The following NEK6 variants were observed in gnomAD, a reference collection of about 807,000 sequenced individuals.
The protein encoded by NEK6 is NIMA related kinase 6, also known as serine/threonine-protein kinase Nek6.
Under a neutral mutation model 43.5 loss-of-function variants are expected in NEK6, and 27 were observed. That is an observed-to-expected ratio of 0.62 (90% CI 0.46 to 0.86). The LOEUF (loss-of-function observed/expected upper bound fraction) is 0.86. Among genes scored for constraint, NEK6 ranks in the 40% least tolerant of loss-of-function variants. NEK6 has a pLI of 0.00. For synonymous variants in NEK6, 167 were observed against 164.1 expected (o/e 1.02, Z -0.14); for missense variants, 318 against 414.4 (o/e 0.77, Z 2.02).
At chr9:124,338,902 G>C (rs745857972) in intron 7 of NEK6, among the ~76,000 whole-genome samples, 2 of 151,796 alleles carry the variant, frequency 1.3e-5, no homozygotes, top group Non-Finnish European at 2.9e-5. Flanking sequence ...TGCAGATTCA[G>C]ACAGTCCCCT....
At chr9:124,269,976 C>T (rs1019296817) in intron 1 of NEK6, among the ~76,000 whole-genome samples, 12 of 152,094 alleles carry the variant, frequency 7.9e-5, no homozygotes, top group African/African-American at 2.7e-4. Flanking sequence ...AAGGTGTTCC[C>T]CTTTTATAGA....
At chr9:124,341,492 T>G (rs2131054057) in intron 8 of NEK6, among the ~76,000 whole-genome samples, 1 of 151,574 alleles carries the variant, frequency 6.6e-6, no homozygotes, top group South Asian at 2.1e-4. Context: ...GTCTGTGGGT[T>G]AGTCTGGCCC....
intron 2 of NEK6, among the ~76,000 whole-genome samples, chr9:124,308,656 C>CAA (rs1374130698): frequency 0.041 from 3,342 of 82,144 alleles, 51 homozygotes; most frequent in East Asian, 0.13. Context: ...AACTCTATCT[C>CAA]AAAAAAAAAA....
In NEK6 at chr9:124,351,854, G is replaced by C. The variant is rs1830290903; in HGVS notation, c.*907G>C. ...TAATAGTACCTATCATCTACCTTCA[G>C]GATTGCTGACAGACAGAATTTGAAA... On this transcript the variant is annotated 3_prime_UTR_variant, in exon 10 of 10. Transcript: ENST00000320246. The C allele has an allele frequency of 6.6e-6, 1 of 152,246 alleles. No homozygotes were observed. Among genetic ancestry groups the C allele is most frequent in the African/African-American group, 2.4e-5 (1 of 41,414 alleles). The allele number at this position is 152,246 out of a possible 1,614,324, so 9.4% of individuals were successfully genotyped here.
intron 3 of NEK6, among the ~76,000 whole-genome samples, chr9:124,313,610 C>G (rs1833659439): frequency 6.6e-6 from 1 of 152,202 alleles, no homozygotes; most frequent in Admixed American, 6.5e-5. Context: ...TCAAGTGATC[C>G]ACCCACCTCA....
intron 4 of NEK6, among the ~76,000 whole-genome samples, chr9:124,321,058 C>G (rs1279121877): frequency 6.6e-6 from 1 of 152,160 alleles, no homozygotes; most frequent in Non-Finnish European, 1.5e-5. Flanking sequence ...GGCACAGGGA[C>G]AGAGAGGTGG....
chr9:124,310,884 C>G (rs191127935), intron 2 of NEK6, among the ~76,000 whole-genome samples: 94 of 152,374 alleles, frequency 6.2e-4, no homozygotes, highest in African/African-American at 2.2e-3. Context: ...CTGCGCCTGG[C>G]CTAGAAGAGA....
At chr9:124,282,899 C>T (rs1257293695) in intron 1 of NEK6, among the ~76,000 whole-genome samples, 3 of 152,118 alleles carry the variant, frequency 2.0e-5, no homozygotes, top group Admixed American at 6.5e-5. Flanking sequence ...TAGAGAGCGG[C>T]CCCTCCCAGT....
rs368466543 is a variant in NEK6 at position 124,326,358 on chromosome 9, C to T, written c.434C>T (p.Pro145Leu). 1.4e-5 allele frequency: 23 copies of T among 1,611,546 alleles called. No individual in the cohort carries two copies. Among genetic ancestry groups the T allele is most frequent in the Non-Finnish European group, 1.8e-5 (21 of 1,179,908 alleles). Residue 145 changes from proline to leucine, a missense_variant, in exon 6 of 10, where the codon CCG becomes CTG. Around this residue, in one of 2 missense-constraint regions of NEK6, gnomAD observed 239 missense variants for 344.4 expected, o/e 0.69. Transcript: ENST00000320246. The surrounding 1 kb of genome is among the most constrained non-coding windows in gnomAD (Gnocchi z 4.5). ...TTTAAGAAGCAGAAGCGGCTCATCC[C>T]GGAGAGGACAGTATGGAAGTACTTT... ...KYFKKQKRLI[P>L]ERTVWKYFVQ...
chr9:124,288,845 C>T (rs1832273994), intron 1 of NEK6, among the ~76,000 whole-genome samples: 1 of 152,180 alleles, frequency 6.6e-6, no homozygotes, highest in Admixed American at 6.5e-5. Flanking sequence ...CTCCACCTCC[C>T]CACAGCCTGG....
intron 1 of NEK6, among the ~76,000 whole-genome samples, chr9:124,259,741 G>A (rs1470726476): frequency 6.6e-6 from 1 of 152,146 alleles, no homozygotes; most frequent in Non-Finnish European, 1.5e-5. Context: ...AGAAGAAAAG[G>A]CCCAGGATTT....
At chr9:124,283,954 C>G (rs975308465) in intron 1 of NEK6, among the ~76,000 whole-genome samples, 1 of 152,250 alleles carries the variant, frequency 6.6e-6, no homozygotes, top group Non-Finnish European at 1.5e-5. Flanking sequence ...CTGGCACACG[C>G]TTGGTGCCCA....
Position 124,273,736 on chromosome 9 carries a change from T to C in NEK6, c.-30+15651T>C, listed in dbSNP as rs1236015077. Among the ~76,000 whole-genome samples, 6 of 152,236 alleles carry C rather than the reference T, an allele frequency of 3.9e-5. No homozygotes were observed. In the South Asian group the frequency reaches 1.0e-3, roughly 26 times the overall value. On this transcript the variant is annotated intron_variant, in intron 1 of 9. Transcript: ENST00000320246. ...AGTTGAGGAGGCTAAAGACTTCAGT[T>C]CTGAGTGGCGGCTCGCAGCCTCACT...
chr9:124,311,529 C>T (rs1164787222), intron 2 of NEK6, among the ~76,000 whole-genome samples: 1 of 152,212 alleles, frequency 6.6e-6, no homozygotes, highest in Non-Finnish European at 1.5e-5. Context: ...CTGGGGTCCT[C>T]CTGGCCACTG....
At chr9:124,312,760 C>T (rs1833601826) in intron 3 of NEK6, 111 bp downstream of exon 3, 3 of 1,077,126 alleles carry the variant, frequency 2.8e-6, no homozygotes, top group Non-Finnish European at 3.9e-6. Flanking sequence ...ACGAGGGAAA[C>T]AGCACTCAAC....
chr9:124,321,401 C>A, intron 4 of NEK6, 58 bp from the exon 5 acceptor site: 1 of 1,133,366 alleles, frequency 8.8e-7, no homozygotes, highest in Non-Finnish European at 1.3e-6. Context: ...GGCAGGCAGG[C>A]ACTGGGTCTG....
At chr9:124,261,356 A>T in intron 1 of NEK6, 1 of 956,948 alleles carries the variant, frequency 1.0e-6, no homozygotes, top group Non-Finnish European at 1.2e-6. Context: ...AAGGAGAAGA[A>T]TATTTCCTTC....
At chr9:124,270,347 G>A (rs541687285) in intron 1 of NEK6, among the ~76,000 whole-genome samples, 5 of 152,282 alleles carry the variant, frequency 3.3e-5, no homozygotes, top group African/African-American at 1.2e-4. Context: ...CTTGGGAAGG[G>A]ATGGTCTTAG....
intron 4 of NEK6, among the ~76,000 whole-genome samples, chr9:124,314,903 A>C (rs576956088): frequency 6.6e-6 from 1 of 152,174 alleles, no homozygotes; most frequent in Non-Finnish European, 1.5e-5. Context: ...CAGGTGATCC[A>C]TCCACCTCAG....
Sources: gnomAD v4.1 joint callset for allele counts (sites outside exome capture counted in the v4.1 genomes callset) on GRCh38, gnomAD v4.1.1 for gene constraint, gnomAD v4.1.1 regional missense constraint, Gnocchi (gnomAD v3.1) non-coding constraint, MANE v1.5 for transcripts, NCBI Gene and HGNC (gene_info 2026-07-23, HGNC 2026-07-21) for gene names.